DCAF10: variants seen among roughly 807,000 people sequenced by gnomAD.
DCAF10 encodes DDB1- and CUL4-associated factor 10.
DCAF10 carries 19 observed loss-of-function variants against 51.9 expected under a neutral mutation model. The observed-to-expected ratio is 0.37, with a 90% CI of 0.26 to 0.54. The LOEUF (loss-of-function observed/expected upper bound fraction) is 0.54, where lower values mean the gene tolerates loss of function less well. Ranked by LOEUF, DCAF10 falls within the 20% of genes least tolerant of loss-of-function variation. The pLI, the probability that DCAF10 is intolerant of heterozygous loss-of-function variation, is 0.87. For synonymous variants in DCAF10, 291 were observed against 297.1 expected (o/e 0.98, Z 0.21); for missense variants, 510 against 730.6 (o/e 0.70, Z 3.48).
chr9:37,831,916 C>G (rs1216420483), intron 2 of DCAF10: 1 of 152,130 alleles, frequency 6.6e-6, no homozygotes, highest in Non-Finnish European at 1.5e-5. Flanking sequence ...CCACTGCACT[C>G]CAGCCTGGGC....
chr9:37,848,989 AAACTT>A (rs1564047140), intron 3 of DCAF10, among the ~76,000 whole-genome samples: 1 of 150,106 alleles, frequency 6.7e-6, no homozygotes, highest in Non-Finnish European at 1.5e-5. Flanking sequence ...AAAAAAAAAA[AAACTT>A]AATTTACACC....
chr9:37,828,634 G>T (rs1459132151), intron 2 of DCAF10, among the ~76,000 whole-genome samples: 1 of 152,140 alleles, frequency 6.6e-6, no homozygotes, highest in African/African-American at 2.4e-5. Flanking sequence ...AGGCATGGTG[G>T]TGCATGCCTA....
chr9:37,816,659 G>GGGGTGGGTGTGTGTGT (rs372664140), intron 1 of DCAF10, among the ~76,000 whole-genome samples: 18 of 144,890 alleles, frequency 1.2e-4, no homozygotes, highest in African/African-American at 4.5e-4. Flanking sequence ...CTGCACCTGG[G>GGGGTGGGTGTGTGTGT]GTGTGTGTGT....
intron 4 of DCAF10, among the ~76,000 whole-genome samples, chr9:37,856,942 A>T (rs1830865415): frequency 6.6e-6 from 1 of 152,180 alleles, no homozygotes; most frequent in African/African-American, 2.4e-5. Flanking sequence ...TTTCATTTTC[A>T]TGGAATTTTT....
Position 37,866,662 on chromosome 9 carries a change from T to C in DCAF10, c.*5154T>C, listed in dbSNP as rs1460543055. 6.6e-6 allele frequency: 1 copy of C among 152,616 alleles called. No individual in the cohort carries two copies. Among genetic ancestry groups the C allele is most frequent in the African/African-American group, 2.4e-5 (1 of 41,432 alleles). 9.5% of individuals were successfully genotyped at this position (152,616 alleles called of 1,614,324 possible). On this transcript the variant is annotated 3_prime_UTR_variant, in exon 7 of 7. Transcript: ENST00000377724. ...GGACACAGTCTTTGAGACAGCTCTT[T>C]TGGTTGCTTTCCACTTTTCTGAAAG... is the stretch of plus-strand genomic sequence containing the variant.
At position 37,850,829 on chromosome 9, in the gene DCAF10, TATATATATATATATATATATATATATATA is replaced by T. The variant is rs1830616905; in HGVS notation, c.852-3950_852-3922del. On this transcript the variant is annotated intron_variant, in intron 3 of 6. Coordinates refer to ENST00000377724, the MANE Select transcript of DCAF10 (RefSeq NM_024345.5). ...GCTAAGTATGTGAGGATATATTTTA[TATATATATATATATATATATATATATATA>T]TATATATATATATATATATATATAA... 2.8e-4 allele frequency among the ~76,000 whole-genome samples: 19 copies of T among 67,900 alleles called. 1 individual carries two copies. Among genetic ancestry groups the T allele is most frequent in the African/African-American group, 9.0e-4 (13 of 14,412 alleles). 44.5% of individuals were successfully genotyped at this position (67,900 alleles called of 152,430 possible). A position where few individuals can be genotyped will look rare whatever the true frequency, so the allele number is the denominator to read the frequency against.
intron 2 of DCAF10, chr9:37,836,008 C>T (rs1830153217): frequency 1.0e-6 from 1 of 1,001,128 alleles, no homozygotes. Context: ...CCAGAGGCGC[C>T]GGCACACGGC....
At chr9:37,815,383 G>A (rs1829493676) in intron 1 of DCAF10, among the ~76,000 whole-genome samples, 2 of 152,196 alleles carry the variant, frequency 1.3e-5, no homozygotes, top group African/African-American at 2.4e-5. Flanking sequence ...GGTGGCTCAC[G>A]CCTGTAATCC....
chr9:37,838,717 C>T (rs1830245903), intron 2 of DCAF10, among the ~76,000 whole-genome samples: 2 of 151,928 alleles, frequency 1.3e-5, no homozygotes, highest in South Asian at 4.2e-4. Context: ...CCTGACAAAA[C>T]CTGTCTCTAC....
chr9:37,847,327 C>T (rs1045840803), intron 3 of DCAF10, among the ~76,000 whole-genome samples: 17 of 143,178 alleles, frequency 1.2e-4, no homozygotes, highest in African/African-American at 4.4e-4. Flanking sequence ...GAAAAATCCT[C>T]AACAAAATAT....
At position 37,801,054 on chromosome 9, in the gene DCAF10, C is replaced by G. The variant is rs756767243; in HGVS notation, c.188C>G (p.Ser63Cys). ...CGCCGCCCCGGCGCCCCATCGCTGT[C>G]CCCGGCCCCGCGCTCCGGAGAGCTA... ...SPRRPGAPSL[S>C]PAPRSGELGL... The change falls in exon 1 of 7, where the codon TCC becomes TGC. Residue 63 changes from serine (S) to cysteine (C), a missense_variant. By Grantham distance (112) the Ser-to-Cys change is moderately radical. Transcript: ENST00000377724. The surrounding 1 kb of genome is among the most constrained non-coding windows in gnomAD (Gnocchi z 5.5). 1.2e-5 allele frequency: 19 copies of G among 1,534,550 alleles called. No homozygotes were observed. The highest frequency in any genetic ancestry group is 1.7e-5 in the Non-Finnish European group (19 of 1,149,342).
chr9:37,814,283 C>T (rs1829459732), intron 1 of DCAF10, among the ~76,000 whole-genome samples: 1 of 144,828 alleles, frequency 6.9e-6, no homozygotes, highest in Admixed American at 6.9e-5. Flanking sequence ...GAATTACAGG[C>T]ATGTGCCACC....
rs1830097278 is a variant in DCAF10, at chr9:37,834,597, TGGCCTACAGCAATATAACCCCACTGG to T, written c.654-7489_654-7464del. Among the ~76,000 whole-genome samples, 4 of 152,344 alleles carry T rather than the reference TGGCCTACAGCAATATAACCCCACTGG, an allele frequency of 2.6e-5. No individual in the cohort carries two copies. The South Asian group carries it at 8.3e-4, about 32-fold the overall frequency. On this transcript the variant is annotated intron_variant, in intron 2 of 6. Transcript: ENST00000377724. ...CTTCCTTAAAACTCTCAGACCACTGTGGCCTACAGCAATATAACCCCACTGGGGTTTTAAATCCATCTGTGCATTAA... is the reference window on the plus strand; with the variant it reads ...CTTCCTTAAAACTCTCAGACCACTGTGGTTTTAAATCCATCTGTGCATTAA...
intron 2 of DCAF10, among the ~76,000 whole-genome samples, chr9:37,831,841 C>T (rs775725044): frequency 2.2e-4 from 34 of 152,126 alleles, no homozygotes; most frequent in Middle Eastern, 3.4e-3. Context: ...CCCAGCTACT[C>T]GGGAGGCTGA....
chr9:37,857,170 A>G (rs543932508), intron 4 of DCAF10, 71 bp from the exon 5 acceptor site: 4 of 1,200,214 alleles, frequency 3.3e-6, no homozygotes, highest in African/African-American at 3.1e-5. Context: ...GTTCGAGTAG[A>G]TAATTAAAAA....
rs1831020422 is a variant in DCAF10 at position 37,861,644 on chromosome 9, C to T, written c.*136C>T. On this transcript the variant is annotated 3_prime_UTR_variant, in exon 7 of 7. Transcript: ENST00000377724. The surrounding 1 kb of genome is among the most constrained non-coding windows in gnomAD (Gnocchi z 4.9). ...TGGTTCTTATGGGTCCATGAACACA[C>T]TTGTGACCTTAGTACTTGGTCATCC... 2 of 1,254,764 alleles carry T rather than the reference C, an allele frequency of 1.6e-6. No individual in the cohort carries two copies. Among genetic ancestry groups the T allele is most frequent in the East Asian group, 2.5e-5 (1 of 40,518 alleles). 77.7% of individuals were successfully genotyped at this position (1,254,764 alleles called of 1,614,324 possible). A position where few individuals can be genotyped will look rare whatever the true frequency, so the allele number is the denominator to read the frequency against.
At chr9:37,849,173 CT>C (rs1830561926) in intron 3 of DCAF10, among the ~76,000 whole-genome samples, 1 of 151,962 alleles carries the variant, frequency 6.6e-6, no homozygotes, top group African/African-American at 2.4e-5. Flanking sequence ...GGAAGGAGAG[CT>C]TGCTCACTGT....
chr9:37,862,969 G>T lies in DCAF10; in HGVS notation c.*1461G>T, dbSNP rs192811886. ...TCTGTATTTTTCATAGCAACCTCAA[G>T]TAATCTTTATTCTGAGGGTCTCGGG... is the stretch of plus-strand genomic sequence containing the variant. On this transcript the variant is annotated 3_prime_UTR_variant, in exon 7 of 7. Transcript: ENST00000377724. 1 of 152,150 alleles carries T rather than the reference G, an allele frequency of 6.6e-6. No individual in the cohort carries two copies. The highest frequency in any genetic ancestry group is 1.9e-4 in the East Asian group (1 of 5,200). 9.4% of individuals were successfully genotyped at this position (152,150 alleles called of 1,614,324 possible).
chr9:37,810,459 C>CTTTTTT (rs542709204), intron 1 of DCAF10, among the ~76,000 whole-genome samples: 1 of 149,402 alleles, frequency 6.7e-6, no homozygotes, highest in Non-Finnish European at 1.5e-5. Flanking sequence ...TTCTTTCTTT[C>CTTTTTT]TTTCTTTTTT....
Sources: gnomAD v4.1 joint callset for allele counts (sites outside exome capture counted in the v4.1 genomes callset) on GRCh38, gnomAD v4.1.1 for gene constraint, Gnocchi (gnomAD v3.1) non-coding constraint, MANE v1.5 for transcripts, NCBI Gene and HGNC (gene_info 2026-07-23, HGNC 2026-07-21) for gene names.